The following EXOC4 variants were observed in gnomAD, a reference collection of about 807,000 sequenced individuals.
The protein encoded by EXOC4 is exocyst complex component 4, also known as SEC8-like 1.
Under a neutral mutation model 107.2 loss-of-function variants are expected in EXOC4, and 71 were observed. The ratio of observed to expected loss-of-function variants is 0.66; its 90% confidence interval spans 0.55 to 0.81. The LOEUF is 0.81. Among genes scored for constraint, EXOC4 ranks in the 30% least tolerant of loss-of-function variants. The pLI is 0.00. For missense variants in EXOC4, 1,108 were observed against 1,189.6 expected, an observed-to-expected ratio of 0.93 and a Z score of 1.01; for synonymous variants, 456 against 441.2, an observed-to-expected ratio of 1.03 and a Z score of -0.42.
chr7:133,386,398 T>C, intron 7 of EXOC4, among the ~76,000 whole-genome samples: 1 of 152,214 alleles, frequency 6.6e-6, no homozygotes, highest in East Asian at 1.9e-4. Flanking sequence ...TGCTTTCTCT[T>C]GTATATCTTG....
At chr7:133,396,385 A>G (rs1204132646) in intron 7 of EXOC4, 3 of 152,190 alleles carry the variant, frequency 2.0e-5, no homozygotes, top group African/African-American at 7.2e-5. Context: ...TTCCGTTCAG[A>G]TGATGACACT....
intron 10 of EXOC4, among the ~76,000 whole-genome samples, chr7:133,710,880 A>T (rs536202618): frequency 6.6e-6 from 1 of 150,716 alleles, no homozygotes; most frequent in Non-Finnish European, 1.5e-5. Context: ...TCAGAAAACC[A>T]TGTCATGATA....
intron 10 of EXOC4, among the ~76,000 whole-genome samples, chr7:133,661,786 G>A (rs996445608): frequency 2.7e-5 from 4 of 150,794 alleles, no homozygotes; most frequent in African/African-American, 9.8e-5. Flanking sequence ...AGTTTGATAT[G>A]GCACCATGCT....
chr7:134,033,207 G>A (rs1472698589), intron 17 of EXOC4, among the ~76,000 whole-genome samples: 1 of 152,084 alleles, frequency 6.6e-6, no homozygotes, highest in East Asian at 1.9e-4. Flanking sequence ...AGAGTGCCAA[G>A]AGAAACCGAA....
chr7:133,827,956 G>A (rs931412361), intron 11 of EXOC4, among the ~76,000 whole-genome samples: 2 of 152,066 alleles, frequency 1.3e-5, no homozygotes. Flanking sequence ...AAGTCTCTGA[G>A]ATTACTTTCT....
intron 11 of EXOC4, among the ~76,000 whole-genome samples, chr7:133,854,158 G>A (rs550394327): frequency 1.3e-5 from 2 of 152,168 alleles, no homozygotes; most frequent in East Asian, 3.9e-4. Flanking sequence ...GTGGGGAGAG[G>A]CCTTATAATA....
intron 13 of EXOC4, among the ~76,000 whole-genome samples, chr7:133,919,149 A>C (rs1207243166): frequency 6.6e-6 from 1 of 152,210 alleles, no homozygotes; most frequent in African/African-American, 2.4e-5. Flanking sequence ...CTTATTATTC[A>C]CAGTATCTGA....
At chr7:133,457,555 T>C (rs1455002348) in intron 7 of EXOC4, among the ~76,000 whole-genome samples, 1 of 152,180 alleles carries the variant, frequency 6.6e-6, no homozygotes, top group Non-Finnish European at 1.5e-5. Context: ...TATCAAAATT[T>C]AATACTTGTT....
At chr7:133,855,104 AATATATATAAATAT>A (rs1242512444) in intron 11 of EXOC4, among the ~76,000 whole-genome samples, 8 of 61,892 alleles carry the variant, frequency 1.3e-4, no homozygotes, top group East Asian at 4.4e-4. Context: ...TATATATATA[AATATATATAAATAT>A]ATATATATAA....
At chr7:133,806,025 C>T (rs1333311477) in intron 10 of EXOC4, among the ~76,000 whole-genome samples, 1 of 152,216 alleles carries the variant, frequency 6.6e-6, no homozygotes, top group Non-Finnish European at 1.5e-5. Flanking sequence ...TACTTGAACA[C>T]TATTCATAGC....
chr7:133,928,557 G>T (rs760167332), intron 13 of EXOC4, among the ~76,000 whole-genome samples: 1 of 152,048 alleles, frequency 6.6e-6, no homozygotes, highest in Non-Finnish European at 1.5e-5. Context: ...TCAAGATTCA[G>T]CTTAGGTATC....
Position 133,374,950 on chromosome 7 carries a change from T to C in EXOC4, c.1130T>C (p.Ile377Thr), listed in dbSNP as rs747715190. ...VVTPLTQQED[I>T]KLYDMADVWV... Reference sequence around the variant, plus strand: ...ACTCCACTGACTCAGCAGGAAGATATCAAACTGTATGATATGGCAGATGTA... The same window carrying C: ...ACTCCACTGACTCAGCAGGAAGATACCAAACTGTATGATATGGCAGATGTA... Residue 377 changes from isoleucine to threonine, a missense_variant, in exon 7 of 18, where the codon ATC becomes ACC. Coordinates refer to ENST00000253861, the MANE Select transcript of EXOC4 (RefSeq NM_021807.4). 6 of 1,613,984 alleles carry C rather than the reference T, an allele frequency of 3.7e-6. No homozygotes were observed. The South Asian group carries it at 5.5e-5, about 15-fold the overall frequency.
intron 9 of EXOC4, among the ~76,000 whole-genome samples, chr7:133,528,160 GTATC>G (rs1013815363): frequency 1.3e-5 from 2 of 152,260 alleles, no homozygotes; most frequent in African/African-American, 4.8e-5. Flanking sequence ...ATGACAGGTG[GTATC>G]TATGTGACAT....
chr7:133,960,735 AG>A (rs1800923047), intron 14 of EXOC4, among the ~76,000 whole-genome samples: 1 of 152,166 alleles, frequency 6.6e-6, no homozygotes, highest in East Asian at 1.9e-4. Context: ...TATTTTGTTA[AG>A]TATTTTAGCA....
chr7:133,454,233 A>T (rs960206888), intron 7 of EXOC4, among the ~76,000 whole-genome samples: 1 of 152,206 alleles, frequency 6.6e-6, no homozygotes, highest in Non-Finnish European at 1.5e-5. Flanking sequence ...TCTTTTTCAT[A>T]CTAAAAGAAC....
chr7:133,562,232 G>C (rs1800818354), intron 9 of EXOC4, among the ~76,000 whole-genome samples: 2 of 152,168 alleles, frequency 1.3e-5, no homozygotes, highest in Admixed American at 6.5e-5. Context: ...GGGTGCAGTT[G>C]CTTTTAGTCC....
At chr7:133,857,904 AC>A (rs1443009556) in intron 11 of EXOC4, among the ~76,000 whole-genome samples, 1 of 151,948 alleles carries the variant, frequency 6.6e-6, no homozygotes, top group Non-Finnish European at 1.5e-5. Flanking sequence ...ATTCAGTCCC[AC>A]CGCCTCACTC....
chr7:133,787,484 G>C (rs1213267289), intron 10 of EXOC4, among the ~76,000 whole-genome samples: 1 of 151,872 alleles, frequency 6.6e-6, no homozygotes, highest in Non-Finnish European at 1.5e-5. Flanking sequence ...AGGTGGTAGT[G>C]CTTTATAGTT....
chr7:133,380,191 A>G (rs937731436), intron 7 of EXOC4, among the ~76,000 whole-genome samples: 1 of 151,868 alleles, frequency 6.6e-6, no homozygotes, highest in Non-Finnish European at 1.5e-5. Context: ...ATACATATGT[A>G]ACAAACCTGC....
Sources: gnomAD v4.1 joint callset for allele counts (sites outside exome capture counted in the v4.1 genomes callset) on GRCh38, gnomAD v4.1.1 for gene constraint, MANE v1.5 for transcripts, NCBI Gene and HGNC (gene_info 2026-07-23, HGNC 2026-07-21) for gene names.